NR4A3: variants seen among roughly 807,000 people sequenced by gnomAD.
NR4A3 encodes nuclear receptor subfamily 4 group A member 3.
In NR4A3, 13 loss-of-function variants were observed where a neutral mutation model predicts 55.6. That is an observed-to-expected ratio of 0.23 (90% CI 0.15 to 0.37). The LOEUF is 0.37. Ranked by LOEUF, NR4A3 falls within the 10% of genes least tolerant of loss-of-function variation. The pLI, the probability that NR4A3 is intolerant of heterozygous loss-of-function variation, is 1.00. For synonymous variants in NR4A3, 342 were observed against 357.9 expected (o/e 0.96, Z 0.50); for missense variants, 646 against 822.8 (o/e 0.79, Z 2.63).
intron 3 of NR4A3, among the ~76,000 whole-genome samples, chr9:99,830,739 A>G (rs770355752): frequency 8.5e-5 from 13 of 152,254 alleles, no homozygotes; most frequent in Non-Finnish European, 1.8e-4. Context: ...TGATTTTTAC[A>G]GGATTTCAGT....
rs1828047273 is a variant in NR4A3 at position 99,863,733 on chromosome 9, G to T, written c.1747G>T (p.Val583Phe). The change falls in exon 8 of 8, where the codon GTC (valine) becomes TTC (phenylalanine). Residue 583 changes from valine to phenylalanine, a missense_variant. Val to Phe is a conservative substitution (Grantham distance 50, BLOSUM62 -1). Coordinates refer to ENST00000395097, the MANE Select transcript of NR4A3 (RefSeq NM_006981.4). ...GQALEPTESK[V>F]LGALVELRKI... Reference sequence around the variant, plus strand: ...GGCTCTGGAGCCCACCGAGTCCAAGGTCCTGGGTGCCCTGGTAGAACTGAG... The same window carrying T: ...GGCTCTGGAGCCCACCGAGTCCAAGTTCCTGGGTGCCCTGGTAGAACTGAG... 1 of 1,613,834 alleles carries T rather than the reference G, an allele frequency of 6.2e-7. No individual in the cohort carries two copies. The highest frequency in any genetic ancestry group is 8.5e-7 in the Non-Finnish European group (1 of 1,179,980).
intron 3 of NR4A3, among the ~76,000 whole-genome samples, chr9:99,831,905 A>T (rs781576282): frequency 1.3e-5 from 2 of 152,200 alleles, no homozygotes; most frequent in Non-Finnish European, 2.9e-5. Context: ...CAATATGGTT[A>T]CTGTGTCTAT....
At chr9:99,832,639 A>G (rs748604024) in intron 3 of NR4A3, 50 bp from the exon 4 acceptor site, 2 of 1,461,554 alleles carry the variant, frequency 1.4e-6, no homozygotes, top group Non-Finnish European at 1.9e-6. Flanking sequence ...GTCAGGTCCT[A>G]CCTCTTTCCA....
intron 3 of NR4A3, among the ~76,000 whole-genome samples, chr9:99,830,852 G>T (rs770292438): frequency 6.6e-6 from 1 of 152,174 alleles, no homozygotes; most frequent in Non-Finnish European, 1.5e-5. Context: ...ATAATGGAGA[G>T]TTGACCAAAA....
intron 7 of NR4A3, among the ~76,000 whole-genome samples, chr9:99,848,760 T>C (rs976031065): frequency 6.6e-6 from 1 of 152,190 alleles, no homozygotes; most frequent in Non-Finnish European, 1.5e-5. Context: ...TGGGGTGGGA[T>C]GGAGAAAGGC....
intron 6 of NR4A3, among the ~76,000 whole-genome samples, chr9:99,845,321 T>G (rs1827734719): frequency 6.6e-6 from 1 of 152,150 alleles, no homozygotes; most frequent in African/African-American, 2.4e-5. Context: ...CCACACCTTC[T>G]CAACCCCCAG....
At chr9:99,838,190 G>A (rs577597906) in intron 5 of NR4A3, among the ~76,000 whole-genome samples, 1 of 152,288 alleles carries the variant, frequency 6.6e-6, no homozygotes, top group East Asian at 1.9e-4. Context: ...TTCAGAGCCT[G>A]CATAATTACT....
chr9:99,858,993 C>G lies in NR4A3; in HGVS notation c.1634-4627C>G, dbSNP rs540997028. On this transcript the variant is annotated intron_variant, in intron 7 of 7. Transcript: ENST00000395097. ...AGATAGAAATTTGAACTAAATAACT[C>G]AAACCCTTTCCAATCTATATATACA... Among the ~76,000 whole-genome samples, 3 of 152,342 alleles carry G rather than the reference C, an allele frequency of 2.0e-5. No homozygotes were observed. The East Asian group carries it at 5.8e-4, about 29-fold the overall frequency.
In NR4A3 at chr9:99,825,760, G is replaced by T; in HGVS notation, c.-75G>T. 6.0e-6 allele frequency: 1 copy of T among 166,562 alleles called. No individual in the cohort carries two copies. The highest frequency in any genetic ancestry group is 1.2e-4 in the East Asian group (1 of 8,110). The allele number at this position is 166,562 out of a possible 1,614,324, so 10.3% of individuals were successfully genotyped here. On this transcript the variant is annotated 5_prime_UTR_variant, in exon 2 of 8. Coordinates refer to ENST00000395097, the MANE Select transcript of NR4A3 (RefSeq NM_006981.4). This position sits in a 1 kb window ranked among gnomAD's most constrained non-coding sequence, Gnocchi z 5.0. Reference sequence around the variant, plus strand: ...CGGCGCTTCGCCTCGCCGGACGTCCGCTCCTCCTACACTCTCAGCCTCCGC... The same window carrying T: ...CGGCGCTTCGCCTCGCCGGACGTCCTCTCCTCCTACACTCTCAGCCTCCGC...
chr9:99,851,695 G>GT (rs1428182046), intron 7 of NR4A3, among the ~76,000 whole-genome samples: 1 of 152,152 alleles, frequency 6.6e-6, no homozygotes, highest in African/African-American at 2.4e-5. Context: ...GCTTTCAAAC[G>GT]TTTTTCAGGT....
Position 99,828,653 on chromosome 9 carries a change from G to A in NR4A3, c.611G>A (p.Ser204Asn). 7.0e-7 allele frequency: 1 copy of A among 1,426,142 alleles called. No individual in the cohort carries two copies. The allele number at this position is 1,426,142 out of a possible 1,614,324, so 88.3% of individuals were successfully genotyped here. A position where few individuals can be genotyped will look rare whatever the true frequency, so the allele number is the denominator to read the frequency against. Reference sequence around the variant, plus strand: ...TCGCCGCCGCATCCCCCCGCGCCCAGCCCGGCCGGCGGCCACCACCTCGGC... The same window carrying A: ...TCGCCGCCGCATCCCCCCGCGCCCAACCCGGCCGGCGGCCACCACCTCGGC... ...KPSPPHPPAP[S>N]PAGGHHLGYD... The change falls in exon 3 of 8, where the codon AGC (serine) becomes AAC (asparagine). Residue 204 changes from serine (S) to asparagine (N), a missense_variant. Transcript: ENST00000395097. The surrounding 1 kb of genome is among the most constrained non-coding windows in gnomAD (Gnocchi z 7.7).
rs1801591631 is a variant in NR4A3 at position 99,837,069 on chromosome 9, A to G, written c.1254+3615A>G. ...TAAATAGATTTTTTTTCTGCTATTG[A>G]GTTGAATTCCTTATATATTCTGGTT... On this transcript the variant is annotated intron_variant, in intron 5 of 7. Transcript: ENST00000395097. 2.0e-5 allele frequency among the ~76,000 whole-genome samples: 3 copies of G among 152,162 alleles called. No individual in the cohort carries two copies. The South Asian group carries it at 6.2e-4, about 32-fold the overall frequency.
intron 5 of NR4A3, among the ~76,000 whole-genome samples, chr9:99,839,721 A>C (rs974516482): frequency 2.6e-5 from 4 of 152,270 alleles, no homozygotes; most frequent in Admixed American, 1.3e-4. Context: ...GAGTTCTGAC[A>C]GATCAATAAC....
intron 5 of NR4A3, chr9:99,834,885 A>G (rs528122689): frequency 1.0e-6 from 1 of 984,732 alleles, no homozygotes; most frequent in East Asian, 1.1e-4. Context: ...TCTTGACTAC[A>G]ATCAAGTCTC....
rs766372620 is a variant in NR4A3, at chr9:99,847,421, TC to T, written c.1455-14del. 1 of 1,612,852 alleles carries T rather than the reference TC, an allele frequency of 6.2e-7. No individual in the cohort carries two copies. The highest frequency in any genetic ancestry group is 1.7e-5 in the Admixed American group (1 of 60,006). Reference sequence around the variant, plus strand: ...GAACAGACCTGTTTAATGTTTGTCTTCCTCTCACCTCCCAGGTCAAACACTG... The same window carrying T: ...GAACAGACCTGTTTAATGTTTGTCTTCTCTCACCTCCCAGGTCAAACACTG... On this transcript the variant is annotated splice_polypyrimidine_tract_variant and intron_variant, in intron 6 of 7. Coordinates refer to ENST00000395097, the MANE Select transcript of NR4A3 (RefSeq NM_006981.4).
intron 3 of NR4A3, among the ~76,000 whole-genome samples, chr9:99,829,208 G>T (rs971060719): frequency 2.0e-5 from 3 of 152,182 alleles, no homozygotes; most frequent in African/African-American, 7.2e-5. Context: ...GGACTCCGGG[G>T]GTCCGTGAAC....
At chr9:99,862,778 G>C (rs1828030995) in intron 7 of NR4A3, among the ~76,000 whole-genome samples, 1 of 152,002 alleles carries the variant, frequency 6.6e-6, no homozygotes, top group South Asian at 2.1e-4. Context: ...ATAGATCATA[G>C]TATTTAACAT....
At chr9:99,827,335 T>G (rs1213134805) in intron 2 of NR4A3, among the ~76,000 whole-genome samples, 1 of 151,964 alleles carries the variant, frequency 6.6e-6, no homozygotes, top group African/African-American at 2.4e-5. Context: ...GCTGCTGATC[T>G]TTTTCTTTGC....
chr9:99,839,332 G>A (rs1370298351), intron 5 of NR4A3, among the ~76,000 whole-genome samples: 1 of 152,194 alleles, frequency 6.6e-6, no homozygotes, highest in Non-Finnish European at 1.5e-5. Context: ...GTTGAGAAAA[G>A]TAACATTTTA....
Sources: gnomAD v4.1 joint callset for allele counts (sites outside exome capture counted in the v4.1 genomes callset) on GRCh38, gnomAD v4.1.1 for gene constraint, Gnocchi (gnomAD v3.1) non-coding constraint, MANE v1.5 for transcripts, NCBI Gene and HGNC (gene_info 2026-07-23, HGNC 2026-07-21) for gene names.